Variants in AKR1B15 observed in about 807,000 individuals in gnomAD.
AKR1B15 encodes the protein estradiol 17-beta-dehydrogenase AKR1B15.
AKR1B15 carries 49 observed loss-of-function variants against 38.5 expected under a neutral mutation model. That is an observed-to-expected ratio of 1.27 (90% CI 1.01 to 1.62). The LOEUF (loss-of-function observed/expected upper bound fraction) is 1.62, where lower values mean the gene tolerates loss of function less well. AKR1B15 is among the 40% of genes most tolerant of loss of function. AKR1B15 has a pLI of 0.00. For synonymous variants in AKR1B15, 137 were observed against 135.5 expected, an observed-to-expected ratio of 1.01 and a Z score of -0.08; for missense variants, 411 against 381.6, an observed-to-expected ratio of 1.08 and a Z score of -0.64.
intron 2 of AKR1B15, among the ~76,000 whole-genome samples, chr7:134,559,303 G>A (rs1394194835): frequency 6.6e-6 from 1 of 152,126 alleles, no homozygotes; most frequent in Admixed American, 6.5e-5. Context: ...AGTATGGAGT[G>A]TTAAAAGTCC....
intron 6 of AKR1B15, among the ~76,000 whole-genome samples, chr7:134,572,642 A>G (rs552731843): frequency 1.3e-5 from 2 of 152,008 alleles, no homozygotes; most frequent in East Asian, 3.9e-4. Flanking sequence ...AAAAAAAAAA[A>G]AAAGAAAAAA....
intron 1 of AKR1B15, among the ~76,000 whole-genome samples, chr7:134,552,517 T>C (rs1222182875): frequency 6.6e-6 from 1 of 152,108 alleles, no homozygotes. Context: ...ATTCAGCAAC[T>C]ATTACAAGCT....
chr7:134,558,217 T>C (rs757386691), intron 2 of AKR1B15, among the ~76,000 whole-genome samples: 1 of 152,172 alleles, frequency 6.6e-6, no homozygotes, highest in Non-Finnish European at 1.5e-5. Flanking sequence ...AAAAAGCTAA[T>C]AAGCAGGATC....
chr7:134,575,456 G>A lies in AKR1B15; in HGVS notation c.550G>A (p.Ala184Thr), dbSNP rs773347979. ...EELVDEGLVKALGVSNFNHFQ... is the reference protein window; with the variant it reads ...EELVDEGLVKTLGVSNFNHFQ... ...GCTGGTGGACGAGGGGCTGGTGAAA[G>A]CCCTTGGGGTCTCAAATTTCAACCA... Residue 184 changes from alanine (A) to threonine (T), a missense_variant, in exon 7 of 12, where the codon GCC becomes ACC. Around this residue, in one of 3 missense-constraint regions of AKR1B15, gnomAD observed 254 missense variants for 212.4 expected, o/e 1.20. Coordinates refer to ENST00000457545, the MANE Select transcript of AKR1B15 (RefSeq NM_001080538.3). 1 of 1,613,894 alleles carries A rather than the reference G, an allele frequency of 6.2e-7. No homozygotes were observed. Among genetic ancestry groups the A allele is most frequent in the South Asian group, 1.1e-5 (1 of 91,064 alleles).
Position 134,575,510 on chromosome 7 carries a change from C to A in AKR1B15, c.604C>A (p.Pro202Thr). ...HFQIERLLNK[P>T]GLKYKPVTNQ... ...CCAGATCGAGAGGCTCTTGAACAAACCTGGACTGAAATATAAACCAGTGAC... is the reference window on the plus strand; with the variant it reads ...CCAGATCGAGAGGCTCTTGAACAAAACTGGACTGAAATATAAACCAGTGAC... Residue 202 changes from proline (P) to threonine (T), a missense_variant, in exon 7 of 12, where the codon CCT becomes ACT. Coordinates refer to ENST00000457545, the MANE Select transcript of AKR1B15 (RefSeq NM_001080538.3). 6.2e-7 allele frequency: 1 copy of A among 1,613,884 alleles called. No individual in the cohort carries two copies. Among genetic ancestry groups the A allele is most frequent in the African/African-American group, 1.3e-5 (1 of 75,030 alleles).
chr7:134,574,646 A>G (rs1347396388), intron 6 of AKR1B15, among the ~76,000 whole-genome samples: 1 of 152,254 alleles, frequency 6.6e-6, no homozygotes, highest in African/African-American at 2.4e-5. Context: ...AACATGTAAT[A>G]GATGGCTACT....
At chr7:134,554,900 T>A (rs1794138046) in intron 1 of AKR1B15, among the ~76,000 whole-genome samples, 2 of 152,174 alleles carry the variant, frequency 1.3e-5, no homozygotes, top group African/African-American at 4.8e-5. Flanking sequence ...AAACATTCAA[T>A]GGAAACTCCA....
intron 5 of AKR1B15, 61 bp from the exon 6 acceptor site, chr7:134,571,543 G>C (rs1794666646): frequency 7.4e-7 from 1 of 1,344,636 alleles, no homozygotes; most frequent in Non-Finnish European, 1.1e-6. Flanking sequence ...CTGAAACCTT[G>C]TTGAACAGAA....
chr7:134,568,528 C>T lies in AKR1B15; in HGVS notation c.318+203C>T, dbSNP rs948314638. On this transcript the variant is annotated intron_variant, in intron 4 of 11. Transcript: ENST00000457545. ...ATGTCGTGGCTGCCCCACCTGCCTG[C>T]GGGTTGGATTTCCCATAGTGGGCTT... Among the ~76,000 whole-genome samples the T allele has an allele frequency of 1.1e-4, 16 of 152,206 alleles. No individual in the cohort carries two copies. The highest frequency in any genetic ancestry group is 2.1e-4 in the South Asian group (1 of 4,834).
rs145850953 is a variant in AKR1B15, at chr7:134,562,078, G to A, written c.-22-2520G>A. 1.8e-3 allele frequency among the ~76,000 whole-genome samples: 274 copies of A among 152,188 alleles called. 7 individuals are homozygous for A. In the East Asian group the frequency reaches 0.05, roughly 28 times the overall value. On this transcript the variant is annotated intron_variant, in intron 2 of 11. Coordinates refer to ENST00000457545, the MANE Select transcript of AKR1B15 (RefSeq NM_001080538.3). ...GGCTCACTGCAACTTCCACCTCCTA[G>A]GTTCAAGCAATTCTCCTGTCTCAGC...
chr7:134,558,664 G>A (rs550960158), intron 2 of AKR1B15, among the ~76,000 whole-genome samples: 4 of 152,228 alleles, frequency 2.6e-5, no homozygotes, highest in South Asian at 2.1e-4. Flanking sequence ...TTAAGAATCC[G>A]GACTGCCCCT....
chr7:134,573,612 A>G (rs954714962), intron 6 of AKR1B15: 2 of 920,982 alleles, frequency 2.2e-6, no homozygotes, highest in African/African-American at 1.8e-5. Context: ...AGCAGAGGGG[A>G]GGAAAAAAGT....
intron 1 of AKR1B15, among the ~76,000 whole-genome samples, chr7:134,553,136 C>T (rs547052999): frequency 4.3e-4 from 66 of 152,260 alleles, no homozygotes; most frequent in African/African-American, 1.2e-3. Flanking sequence ...GAAAGGCAGC[C>T]ATCCTTCAAA....
chr7:134,565,055 T>C, intron 3 of AKR1B15: 1 of 308,548 alleles, frequency 3.2e-6, no homozygotes, highest in Non-Finnish European at 6.0e-6. Context: ...AATGGAACAA[T>C]CTGCAGGATG....
rs1349910841 is a variant in AKR1B15, at chr7:134,565,562, T to G, written c.150+793T>G. 4.3e-6 allele frequency: 7 copies of G among 1,613,484 alleles called. No individual in the cohort carries two copies. The Admixed American group carries it at 1.2e-4, about 27-fold the overall frequency. ...CACTTGGAGGGTAAATATGCAAATC[T>G]TTGCACAACTTTCTTCTCTGGAGGG... On this transcript the variant is annotated intron_variant, in intron 3 of 11. Transcript: ENST00000457545.
At chr7:134,571,000 C>T (rs566532299) in intron 5 of AKR1B15, among the ~76,000 whole-genome samples, 1 of 152,260 alleles carries the variant, frequency 6.6e-6, no homozygotes, top group Admixed American at 6.5e-5. Flanking sequence ...TTTTATTAAG[C>T]AAAGCACACC....
At chr7:134,552,350 C>T (rs930938107) in intron 1 of AKR1B15, among the ~76,000 whole-genome samples, 3 of 152,076 alleles carry the variant, frequency 2.0e-5, no homozygotes, top group Admixed American at 6.6e-5. Context: ...AAAAGTAATC[C>T]TCTCCTACTG....
intron 2 of AKR1B15, among the ~76,000 whole-genome samples, chr7:134,560,294 C>A (rs1794346741): frequency 6.6e-6 from 1 of 152,098 alleles, no homozygotes; most frequent in African/African-American, 2.4e-5. Context: ...ATGAACAAGC[C>A]CAAGTTAGCC....
intron 6 of AKR1B15, among the ~76,000 whole-genome samples, chr7:134,574,852 G>A (rs1348948094): frequency 6.6e-6 from 1 of 152,210 alleles, no homozygotes; most frequent in Admixed American, 6.5e-5. Flanking sequence ...GTGGCCGGGT[G>A]CCCCTGCTAG....
Sources: gnomAD v4.1 joint callset for allele counts (sites outside exome capture counted in the v4.1 genomes callset) on GRCh38, gnomAD v4.1.1 for gene constraint, gnomAD v4.1.1 regional missense constraint, MANE v1.5 for transcripts, NCBI Gene and HGNC (gene_info 2026-07-23, HGNC 2026-07-21) for gene names.